ABLIM1: variants seen among roughly 807,000 people sequenced by gnomAD.
The protein encoded by ABLIM1 is actin binding LIM protein 1.
ABLIM1 carries 40 observed loss-of-function variants against 107.0 expected under a neutral mutation model. That is an observed-to-expected ratio of 0.37 (90% CI 0.29 to 0.49). The LOEUF (loss-of-function observed/expected upper bound fraction) is 0.49. ABLIM1 is among the 20% of genes least tolerant of loss of function. ABLIM1 has a pLI of 0.97. For synonymous variants in ABLIM1, 357 were observed against 357.3 expected (o/e 1.00, Z 0.01); for missense variants, 857 against 1,008.5 (o/e 0.85, Z 2.04).
At chr10:114,438,826 G>C (rs1411773588) in intron 21 of ABLIM1, among the ~76,000 whole-genome samples, 1 of 152,202 alleles carries the variant, frequency 6.6e-6, no homozygotes, top group Non-Finnish European at 1.5e-5. Flanking sequence ...GAAATGCAGG[G>C]CTTTCAATGG....
intron 1 of ABLIM1, among the ~76,000 whole-genome samples, chr10:114,604,903 A>G (rs191219124): frequency 1.3e-3 from 205 of 152,360 alleles, no homozygotes; most frequent in Non-Finnish European, 2.5e-3. Context: ...CTATGTCCGA[A>G]CAAAGGAGCC....
At chr10:114,756,340 T>C (rs1254391224) in intron 1 of ABLIM1, among the ~76,000 whole-genome samples, 1 of 152,204 alleles carries the variant, frequency 6.6e-6, no homozygotes, top group African/African-American at 2.4e-5. Context: ...TTTTAAGATC[T>C]GATAGGGCTA....
chr10:114,575,708 G>A (rs2072436192), intron 2 of ABLIM1, 109 bp from the exon 3 acceptor site: 8 of 1,171,264 alleles, frequency 6.8e-6, no homozygotes, highest in South Asian at 1.6e-5. Context: ...AATGGTTTGG[G>A]GCTAGGGAGG....
At chr10:114,747,869 G>A (rs1263256106) in intron 1 of ABLIM1, among the ~76,000 whole-genome samples, 1 of 152,110 alleles carries the variant, frequency 6.6e-6, no homozygotes, top group Non-Finnish European at 1.5e-5. Flanking sequence ...GTGAAACCCT[G>A]TCTCTATTAA....
Position 114,667,328 on chromosome 10 carries a change from T to A in ABLIM1, c.64+16962A>T, listed in dbSNP as rs374116361. Among the ~76,000 whole-genome samples the A allele has an allele frequency of 3.3e-5, 5 of 152,324 alleles. No homozygotes were observed. The East Asian group carries it at 9.7e-4, about 29-fold the overall frequency. On this transcript the variant is annotated intron_variant, in intron 1 of 23. Transcript: ENST00000369256. ...ACCATGTAGTCCCAAAAACAGTGTATGATATTAACTAGTAGCACTTCCAAA... is the reference window on the plus strand; with the variant it reads ...ACCATGTAGTCCCAAAAACAGTGTAAGATATTAACTAGTAGCACTTCCAAA...
chr10:114,647,890 A>G (rs2079074302), intron 1 of ABLIM1, among the ~76,000 whole-genome samples: 2 of 152,248 alleles, frequency 1.3e-5, no homozygotes, highest in African/African-American at 4.8e-5. Context: ...ATGATTTCTC[A>G]AAGTAAAGGC....
intron 6 of ABLIM1, among the ~76,000 whole-genome samples, chr10:114,506,179 C>T (rs2061110589): frequency 6.6e-6 from 1 of 152,150 alleles, no homozygotes; most frequent in Admixed American, 6.5e-5. Context: ...CATGTTGTTG[C>T]GAAGGACATG....
Position 114,441,857 on chromosome 10 carries a change from G to T in ABLIM1, c.1934-71C>A, listed in dbSNP as rs143885870. On this transcript the variant is annotated intron_variant, in intron 17 of 22. Transcript: ENST00000533213. ...GTCCAATCCTTTAATGAAATTGGCA[G>T]TATCTTCTACCTCACAGGATAGAAA... 3.9e-4 allele frequency: 530 copies of T among 1,374,902 alleles called. 5 individuals are homozygous for T. The East Asian group carries it at 0.011, about 28-fold the overall frequency. 85.2% of individuals were successfully genotyped at this position (1,374,902 alleles called of 1,614,324 possible). A position where few individuals can be genotyped will look rare whatever the true frequency, so the allele number is the denominator to read the frequency against.
intron 1 of ABLIM1, among the ~76,000 whole-genome samples, chr10:114,711,067 G>C (rs1459218225): frequency 5.3e-5 from 8 of 152,212 alleles, no homozygotes. Flanking sequence ...CTACTCTTTT[G>C]AAGAATCTGT....
the ABLIM1 span, among the ~76,000 whole-genome samples, chr10:114,798,814 TG>T: frequency 6.6e-6 from 1 of 151,864 alleles, no homozygotes; most frequent in Non-Finnish European, 1.5e-5. Context: ...TTTTTTTTTT[TG>T]AGACGGAGTC....
chr10:114,618,936 C>T (rs1427432541), intron 1 of ABLIM1, among the ~76,000 whole-genome samples: 1 of 152,162 alleles, frequency 6.6e-6, no homozygotes, highest in Non-Finnish European at 1.5e-5. Context: ...TATCAACTCT[C>T]TCCAATGGCA....
intron 1 of ABLIM1, among the ~76,000 whole-genome samples, chr10:114,717,986 G>GA (rs1237129374): frequency 2.7e-5 from 3 of 111,062 alleles, no homozygotes; most frequent in African/African-American, 1.1e-4. Flanking sequence ...GAGAAAGAAA[G>GA]AAAGAAAGGA....
chr10:114,436,055 A>G lies in ABLIM1; in HGVS notation c.*205T>C, dbSNP rs1565181199. On this transcript the variant is annotated 3_prime_UTR_variant, in exon 23 of 23. Transcript: ENST00000533213. ...ACTACTCTGTGTTTCGGAACATAGA[A>G]ATTTCTACGCCATGCTTCTTGGCAA... 1.8e-6 allele frequency: 1 copy of G among 564,464 alleles called. No homozygotes were observed. The highest frequency in any genetic ancestry group is 3.1e-5 in the Admixed American group (1 of 32,610). 35.0% of individuals were successfully genotyped at this position (564,464 alleles called of 1,614,324 possible).
chr10:114,674,008 G>C (rs558997219), intron 1 of ABLIM1, among the ~76,000 whole-genome samples: 1 of 152,282 alleles, frequency 6.6e-6, no homozygotes, highest in Non-Finnish European at 1.5e-5. Context: ...GGACCATCTG[G>C]TCCCAGTGTG....
intron 1 of ABLIM1, among the ~76,000 whole-genome samples, chr10:114,711,238 G>T (rs549024920): frequency 5.9e-5 from 9 of 152,246 alleles, no homozygotes; most frequent in African/African-American, 2.2e-4. Flanking sequence ...TTTCACTAGG[G>T]GTTTGCATCA....
intron 7 of ABLIM1, among the ~76,000 whole-genome samples, chr10:114,489,111 A>G (rs541214220): frequency 4.9e-4 from 75 of 152,020 alleles, no homozygotes; most frequent in African/African-American, 1.7e-3. Context: ...TCTGCCTCTC[A>G]GGTTCAAGCG....
At chr10:114,725,908 G>A (rs1457974989) in intron 1 of ABLIM1, among the ~76,000 whole-genome samples, 9 of 151,826 alleles carry the variant, frequency 5.9e-5, no homozygotes, top group Admixed American at 4.6e-4. Flanking sequence ...ACCATGCACA[G>A]CTAATTGTTT....
Position 114,473,004 on chromosome 10 carries a change from G to C in ABLIM1, c.1248C>G (p.Asp416Glu), listed in dbSNP as rs1454174890. The C allele has an allele frequency of 1.7e-5, 28 of 1,605,864 alleles. No homozygotes were observed. Among genetic ancestry groups the C allele is most frequent in the Non-Finnish European group, 2.3e-5 (27 of 1,175,654 alleles). The change falls in exon 10 of 23, where the codon GAC (aspartate) becomes GAG (glutamate). Residue 416 changes from aspartate (D) to glutamate (E), a missense_variant. By Grantham distance (45) the Asp-to-Glu change is conservative. Coordinates refer to ENST00000533213, the MANE Select transcript of ABLIM1 (RefSeq NM_002313.7). Reference protein sequence around the residue: ...YEPFYTSGYDDKQERQSLGES... With the variant: ...YEPFYTSGYDEKQERQSLGES... ...CTCCAAGGCTCTGTCTCTCCTGTTT[G>C]TCATCATAGCCCGAAGTGTAGAAAG...
At chr10:114,632,819 A>T in intron 1 of ABLIM1, 2 of 981,498 alleles carry the variant, frequency 2.0e-6, no homozygotes, top group South Asian at 9.4e-5. Flanking sequence ...GTCACAATTA[A>T]GGGACAAACA....
Sources: gnomAD v4.1 joint callset for allele counts (sites outside exome capture counted in the v4.1 genomes callset) on GRCh38, gnomAD v4.1.1 for gene constraint, MANE v1.5 for transcripts, NCBI Gene and HGNC (gene_info 2026-07-23, HGNC 2026-07-21) for gene names.